The following HNF1B variants were observed in gnomAD, a reference collection of about 807,000 sequenced individuals.
The protein encoded by HNF1B is HNF1 homeobox B.
HNF1B carries 8 observed loss-of-function variants against 61.7 expected under a neutral mutation model. The observed-to-expected ratio is 0.13, with a 90% confidence interval of 0.08 to 0.23. HNF1B has a LOEUF of 0.23. HNF1B is among the 10% of genes least tolerant of loss of function. The pLI is 1.00. For missense variants in HNF1B, 562 were observed against 714.5 expected (o/e 0.79, Z 2.43); for synonymous variants, 314 against 287.7 (o/e 1.09, Z -0.93).
intron 4 of HNF1B, among the ~76,000 whole-genome samples, chr17:37,724,480 C>G (rs982276601): frequency 1.3e-5 from 2 of 152,148 alleles, no homozygotes; most frequent in Admixed American, 1.3e-4. Flanking sequence ...ACAGCGGGGT[C>G]AGCAAACTGG....
intron 8 of HNF1B, among the ~76,000 whole-genome samples, chr17:37,697,606 AG>A (rs2032428279): frequency 6.6e-6 from 1 of 152,228 alleles, no homozygotes; most frequent in East Asian, 1.9e-4. Context: ...AACCTTTCAA[AG>A]GGGAAGGTAT....
rs1252169636 is a variant in HNF1B at position 37,687,408 on chromosome 17, A to C, written c.1654-16T>G. 3 of 1,594,218 alleles carry C rather than the reference A, an allele frequency of 1.9e-6. No homozygotes were observed. Among genetic ancestry groups the C allele is most frequent in the Non-Finnish European group, 2.6e-6 (3 of 1,162,202 alleles). On this transcript the variant is annotated splice_polypyrimidine_tract_variant and intron_variant, in intron 8 of 8. Transcript: ENST00000617811. ...GTAGAGGACACTGCAGAGAGAGAGG[A>C]GAGAGGGTGCTCAGCTGTGTCATTT...
chr17:37,712,264 G>A (rs971255205), intron 4 of HNF1B, among the ~76,000 whole-genome samples: 1 of 152,174 alleles, frequency 6.6e-6, no homozygotes, highest in Admixed American at 6.5e-5. Context: ...GCTGGCATTG[G>A]TGTATTGGTT....
At chr17:37,694,328 C>A (rs2147427212) in intron 8 of HNF1B, among the ~76,000 whole-genome samples, 1 of 150,224 alleles carries the variant, frequency 6.7e-6, no homozygotes. Flanking sequence ...ACTCAGGACT[C>A]TGAGGCAGAA....
chr17:37,687,766 A>G (rs1367666577), intron 8 of HNF1B, among the ~76,000 whole-genome samples: 7 of 152,162 alleles, frequency 4.6e-5, no homozygotes, highest in South Asian at 2.1e-4. Context: ...CGTGGAAGCA[A>G]GGGTCTCTTC....
At chr17:37,734,021 A>G (rs2033765606) in intron 2 of HNF1B, among the ~76,000 whole-genome samples, 200 bp from the exon 3 acceptor site, 1 of 152,238 alleles carries the variant, frequency 6.6e-6, no homozygotes, top group Non-Finnish European at 1.5e-5. Context: ...TTGCTCCAGC[A>G]AAGCCACCCT....
chr17:37,713,050 G>T (rs545055784), intron 4 of HNF1B, among the ~76,000 whole-genome samples: 3 of 152,190 alleles, frequency 2.0e-5, no homozygotes, highest in Non-Finnish European at 4.4e-5. Flanking sequence ...AGGTCTAGCC[G>T]CTGCCCTCTT....
In HNF1B at chr17:37,699,136, T is replaced by A; in HGVS notation, c.1593A>T (p.Ala531=). Residue 531 remains alanine (A), a synonymous_variant, in exon 8 of 9, where the codon GCA becomes GCT. Coordinates refer to ENST00000617811, the MANE Select transcript of HNF1B (RefSeq NM_000458.4). ...TGCTGCTGGTATCTGTGACCACCAT[T>A]GCAGATGGAAACCGGGAGGTGTGGG... ...QYSHTSRFPS[A]MVVTDTSSIS... 2 of 1,614,138 alleles carry A rather than the reference T, an allele frequency of 1.2e-6. No individual in the cohort carries two copies. Among genetic ancestry groups the A allele is most frequent in the Non-Finnish European group, 8.5e-7 (1 of 1,180,016 alleles).
At chr17:37,727,877 G>GA (rs2033552988) in intron 4 of HNF1B, among the ~76,000 whole-genome samples, 1 of 152,174 alleles carries the variant, frequency 6.6e-6, no homozygotes, top group Non-Finnish European at 1.5e-5. Context: ...TTGGAGAGGG[G>GA]AGAGCGTGGA....
At chr17:37,726,433 AG>A (rs1343754287) in intron 4 of HNF1B, among the ~76,000 whole-genome samples, 1 of 152,214 alleles carries the variant, frequency 6.6e-6, no homozygotes, top group African/African-American at 2.4e-5. Flanking sequence ...CCTGGGACCA[AG>A]GAAGTGCTCC....
Position 37,744,911 on chromosome 17 carries a change from T to C in HNF1B, c.-27A>G. On this transcript the variant is annotated 5_prime_UTR_variant, in exon 1 of 9. Coordinates refer to ENST00000617811, the MANE Select transcript of HNF1B (RefSeq NM_000458.4). ...TTCCAAGGACGGAAAAAGAAGGGGG[T>C]GAGGGGGTGGGTGGGTGCGAGAGAG... 1 of 654,256 alleles carries C rather than the reference T, an allele frequency of 1.5e-6. No individual in the cohort carries two copies. Among genetic ancestry groups the C allele is most frequent in the Non-Finnish European group, 2.2e-6 (1 of 446,012 alleles). 40.5% of individuals were successfully genotyped at this position (654,256 alleles called of 1,614,324 possible).
intron 8 of HNF1B, 86 bp downstream of exon 8, chr17:37,698,990 G>T: frequency 1.0e-6 from 1 of 995,530 alleles, no homozygotes; most frequent in Non-Finnish European, 1.6e-6. Flanking sequence ...TTCTGGCCGA[G>T]TCCATGCTTG....
At chr17:37,744,448 C>T (rs2034103286) in intron 1 of HNF1B, 93 bp downstream of exon 1, 5 of 1,320,854 alleles carry the variant, frequency 3.8e-6, no homozygotes, top group Non-Finnish European at 4.3e-6. Flanking sequence ...GGGAAACGGG[C>T]TTGGCGAGTG....
chr17:37,728,724 A>G (rs2033592004), intron 4 of HNF1B: 1 of 152,460 alleles, frequency 6.6e-6, no homozygotes, highest in South Asian at 2.1e-4. Flanking sequence ...TACAGACAGA[A>G]GCCACCCCTG....
At chr17:37,711,849 A>G (rs1276236595) in intron 4 of HNF1B, among the ~76,000 whole-genome samples, 1 of 152,112 alleles carries the variant, frequency 6.6e-6, no homozygotes, top group Non-Finnish European at 1.5e-5. Flanking sequence ...CTGTACACTG[A>G]TTCTGTTGTT....
At chr17:37,709,176 C>G (rs757038175) in intron 5 of HNF1B, among the ~76,000 whole-genome samples, 8 of 152,316 alleles carry the variant, frequency 5.3e-5, no homozygotes. Flanking sequence ...ATAAGCCACT[C>G]TCTCCTGCAC....
intron 8 of HNF1B, among the ~76,000 whole-genome samples, chr17:37,694,863 CA>C (rs2032333236): frequency 1.3e-5 from 2 of 152,036 alleles, no homozygotes. Flanking sequence ...GCTACGGAAG[CA>C]AAGGAATGAC....
At chr17:37,701,832 A>C (rs1307945877) in intron 6 of HNF1B, among the ~76,000 whole-genome samples, 2 of 152,222 alleles carry the variant, frequency 1.3e-5, no homozygotes, top group Non-Finnish European at 2.9e-5. Flanking sequence ...TGTGGCACTA[A>C]AAGGACCAGG....
chr17:37,735,077 AC>A (rs1232719091), intron 2 of HNF1B, among the ~76,000 whole-genome samples: 1 of 152,144 alleles, frequency 6.6e-6, no homozygotes, highest in Non-Finnish European at 1.5e-5. Flanking sequence ...GGTGTGAGCC[AC>A]CGTGCCCGAC....
Sources: gnomAD v4.1 joint callset for allele counts (sites outside exome capture counted in the v4.1 genomes callset) on GRCh38, gnomAD v4.1.1 for gene constraint, MANE v1.5 for transcripts, NCBI Gene and HGNC (gene_info 2026-07-23, HGNC 2026-07-21) for gene names.